IGHMBP2: variants seen among roughly 807,000 people sequenced by gnomAD.
The protein encoded by IGHMBP2 is immunoglobulin mu DNA binding protein 2.
A neutral mutation model predicts 96.0 loss-of-function variants in IGHMBP2; 81 were observed. The ratio of observed to expected loss-of-function variants is 0.84; its 90% CI spans 0.71 to 1.01. The LOEUF (loss-of-function observed/expected upper bound fraction) is 1.01. Among genes scored for constraint, IGHMBP2 ranks in the 50% least tolerant of loss-of-function variants. The pLI is 0.00. For missense variants in IGHMBP2, 1,227 were observed against 1,306.3 expected, an observed-to-expected ratio of 0.94 and a Z score of 0.94; for synonymous variants, 557 against 548.9, an observed-to-expected ratio of 1.01 and a Z score of -0.21.
In IGHMBP2 at chr11:68,906,163, G is replaced by A. The variant is rs1057518943; in HGVS notation, c.181G>A (p.Gly61Arg). The A allele has an allele frequency of 1.1e-5, 18 of 1,614,072 alleles. No homozygotes were observed. Among genetic ancestry groups the A allele is most frequent in the Admixed American group, 6.7e-5 (4 of 60,012 alleles). ...ATCCAGCCAGCGCACTGGGCTGTAC[G>A]GACGGCTGCTGGTCACCTTTGAGCC... Reference protein sequence around the residue: ...QVSSQRTGLYGRLLVTFEPRR... With the variant: ...QVSSQRTGLYRRLLVTFEPRR... Residue 61 changes from glycine to arginine, a missense_variant, in exon 2 of 15, where the codon GGA becomes AGA. Physicochemically the swap from Gly to Arg is moderately radical, Grantham distance 125. This residue lies in a region of IGHMBP2 where 507 missense variants were observed against 496.9 expected (regional missense o/e 1.02). Coordinates refer to ENST00000255078, the MANE Select transcript of IGHMBP2 (RefSeq NM_002180.3).
chr11:68,920,163 C>T (rs1416376735), intron 7 of IGHMBP2, among the ~76,000 whole-genome samples: 1 of 152,170 alleles, frequency 6.6e-6, no homozygotes, highest in Non-Finnish European at 1.5e-5. Flanking sequence ...CAGGATTTGT[C>T]GTCTTGTGAC....
Position 68,939,526 on chromosome 11 carries a change from C to T in IGHMBP2, c.2785-8C>T, listed in dbSNP as rs1456866628. The T allele has an allele frequency of 1.2e-6, 2 of 1,611,590 alleles. No individual in the cohort carries two copies. Among genetic ancestry groups the T allele is most frequent in the Middle Eastern group, 2.2e-4 (1 of 4,558 alleles). On this transcript the variant is annotated splice_polypyrimidine_tract_variant and splice_region_variant and intron_variant, in intron 14 of 14. Transcript: ENST00000255078. Reference sequence around the variant, plus strand: ...TGAGCCCAGCAGTGATTCTTGTGTCCTCCCCAGATCCATGGCTGCGGTGAG... The same window carrying T: ...TGAGCCCAGCAGTGATTCTTGTGTCTTCCCCAGATCCATGGCTGCGGTGAG...
chr11:68,932,875 C>T (rs558996900), intron 8 of IGHMBP2: 56 of 204,184 alleles, frequency 2.7e-4, no homozygotes, highest in Non-Finnish European at 4.0e-4. Context: ...TGGTCTTTTC[C>T]GGCTCCTAGA....
At chr11:68,912,356 C>T (rs980788214) in intron 5 of IGHMBP2, among the ~76,000 whole-genome samples, 1 of 152,032 alleles carries the variant, frequency 6.6e-6, no homozygotes, top group Non-Finnish European at 1.5e-5. Context: ...GGTCTCACTC[C>T]TGACTTCAGT....
chr11:68,934,719 G>A (rs1200723343), intron 11 of IGHMBP2, among the ~76,000 whole-genome samples, 161 bp downstream of exon 11: 2 of 152,326 alleles, frequency 1.3e-5, no homozygotes, highest in East Asian at 3.9e-4. Context: ...TGTCGTCAGG[G>A]GCCCCTCTGC....
chr11:68,936,389 C>G lies in IGHMBP2; in HGVS notation c.1909C>G (p.Arg637Gly). The G allele has an allele frequency of 6.2e-7, 1 of 1,614,148 alleles. No individual in the cohort carries two copies. Among genetic ancestry groups the G allele is most frequent in the Non-Finnish European group, 8.5e-7 (1 of 1,180,028 alleles). Residue 637 changes from arginine to glycine, a missense_variant, in exon 13 of 15, where the codon CGC (arginine) becomes GGC (glycine). By Grantham distance (125) the Arg-to-Gly change is moderately radical. This residue lies in a region of IGHMBP2 where 703 missense variants were observed against 770.3 expected (regional missense o/e 0.91). Transcript: ENST00000255078. ...VEYFTQHGEV[R>G]TAFEYLDDIV... ...GTATTTCACACAGCATGGGGAAGTA[C>G]GCACGGCCTTTGAGTATCTTGACGA...
intron 5 of IGHMBP2, among the ~76,000 whole-genome samples, chr11:68,913,043 CAAAA>C (rs71043469): frequency 5.3e-5 from 2 of 37,478 alleles, no homozygotes; most frequent in African/African-American, 2.4e-4. Context: ...ACTCCATCTC[CAAAA>C]AAAAAAAAAA....
intron 7 of IGHMBP2, 47 bp from the exon 8 acceptor site, chr11:68,929,136 G>C: frequency 6.3e-7 from 1 of 1,581,756 alleles, no homozygotes; most frequent in East Asian, 2.2e-5. Context: ...TGCGCTGTTG[G>C]GAAGCAGCTG....
At chr11:68,911,065 G>T (rs527525305) in intron 4 of IGHMBP2, among the ~76,000 whole-genome samples, 1 of 152,164 alleles carries the variant, frequency 6.6e-6, no homozygotes, top group South Asian at 2.1e-4. Flanking sequence ...CTTCATTCCT[G>T]TTACTCTAGA....
chr11:68,929,673 A>G (rs1859199810), intron 8 of IGHMBP2: 7 of 919,720 alleles, frequency 7.6e-6, no homozygotes, highest in Admixed American at 1.2e-4. Context: ...GTTTGATGGT[A>G]GAGTGCCGTG....
At position 68,929,334 on chromosome 11, in the gene IGHMBP2, G is replaced by A. The variant is rs780125691; in HGVS notation, c.1212G>A (p.Leu404=). The A allele has an allele frequency of 1.2e-6, 2 of 1,613,348 alleles. No individual in the cohort carries two copies. Among genetic ancestry groups the A allele is most frequent in the East Asian group, 2.2e-5 (1 of 44,874 alleles). The change falls in exon 8 of 15, where the codon CTG becomes CTA. Residue 404 remains leucine (L), a synonymous_variant. Transcript: ENST00000255078. ...TCCTGGCGGGCGATCACAAGCAGCT[G>A]CCCCCCACCACAGTCTCTCACAAGT... ...KCILAGDHKQ[L]PPTTVSHKAA...
At chr11:68,936,115 G>A in intron 12 of IGHMBP2, 122 bp from the exon 13 acceptor site, 1 of 1,145,786 alleles carries the variant, frequency 8.7e-7, no homozygotes, top group Non-Finnish European at 1.3e-6. Flanking sequence ...GGGCACCCGT[G>A]TGGATGGTGG....
Position 68,913,043 on chromosome 11 carries a change from CAAAAAAAAAA to C in IGHMBP2, c.711+1456_711+1465del, listed in dbSNP as rs71043469. ...GGCAATAAGAGCAAAACTCCATCTC[CAAAAAAAAAA>C]AAAAAAAAAAAAAAACCAAAAAAAC... On this transcript the variant is annotated intron_variant, in intron 5 of 14. Coordinates refer to ENST00000255078, the MANE Select transcript of IGHMBP2 (RefSeq NM_002180.3). Among the ~76,000 whole-genome samples, 86 of 37,492 alleles carry C rather than the reference CAAAAAAAAAA, an allele frequency of 2.3e-3. 1 individual carries two copies. The highest frequency in any genetic ancestry group is 0.023 in the Middle Eastern group (1 of 44). 24.6% of individuals were successfully genotyped at this position (37,492 alleles called of 152,430 possible).
At chr11:68,906,336 A>G in intron 2 of IGHMBP2, 98 bp downstream of exon 2, 1 of 1,301,548 alleles carries the variant, frequency 7.7e-7, no homozygotes, top group Non-Finnish European at 1.1e-6. Flanking sequence ...CCAGTTGGAG[A>G]ATAAAGCGTT....
At chr11:68,929,143 G>T in intron 7 of IGHMBP2, 40 bp from the exon 8 acceptor site, 1 of 1,599,638 alleles carries the variant, frequency 6.3e-7, no homozygotes, top group Non-Finnish European at 8.5e-7. Flanking sequence ...TTGGGAAGCA[G>T]CTGTGCCCCT....
intron 7 of IGHMBP2, among the ~76,000 whole-genome samples, chr11:68,921,612 C>A (rs1858880586): frequency 6.6e-6 from 1 of 152,216 alleles, no homozygotes; most frequent in Admixed American, 6.5e-5. Flanking sequence ...TATTCTAAGA[C>A]TTACAATGCT....
At position 68,904,071 on chromosome 11, in the gene IGHMBP2, G is replaced by A. The variant is rs1189135304; in HGVS notation, c.86+33G>A. On this transcript the variant is annotated intron_variant, in intron 1 of 14. Transcript: ENST00000255078. ...AGGCCGCCGGCGCCGCTCCCTCGCG[G>A]TCGGTCCCGCCGTGTCCCGGGCAGA... 2.0e-6 allele frequency: 3 copies of A among 1,520,686 alleles called. No individual in the cohort carries two copies. In the South Asian group the frequency reaches 3.6e-5, roughly 18 times the overall value. The allele number at this position is 1,520,686 out of a possible 1,614,324, so 94.2% of individuals were successfully genotyped here. A position where few individuals can be genotyped will look rare whatever the true frequency, so the allele number is the denominator to read the frequency against.
intron 4 of IGHMBP2, 70 bp downstream of exon 4, chr11:68,908,701 G>A: frequency 9.1e-7 from 1 of 1,096,956 alleles, no homozygotes; most frequent in African/African-American, 1.5e-5. Context: ...TGTGACCTTG[G>A]GCCGTTTTAA....
At position 68,914,811 on chromosome 11, in the gene IGHMBP2, T is replaced by A; in HGVS notation, c.712-12T>A. The A allele has an allele frequency of 1.2e-6, 2 of 1,614,092 alleles. No homozygotes were observed. Among genetic ancestry groups the A allele is most frequent in the Non-Finnish European group, 1.7e-6 (2 of 1,179,896 alleles). On this transcript the variant is annotated splice_polypyrimidine_tract_variant and intron_variant, in intron 5 of 14. Coordinates refer to ENST00000255078, the MANE Select transcript of IGHMBP2 (RefSeq NM_002180.3). Reference sequence around the variant, plus strand: ...CAAAGTAAATGACCAGATCCTAACTTGCGGTTCCCAGGTTCTGTGCTGCGC... The same window carrying A: ...CAAAGTAAATGACCAGATCCTAACTAGCGGTTCCCAGGTTCTGTGCTGCGC...
Sources: allele counts gnomAD v4.1 joint callset (sites outside exome capture counted in the v4.1 genomes callset), GRCh38; gene constraint gnomAD v4.1.1; regional missense constraint gnomAD v4.1.1; transcripts MANE v1.5; gene names NCBI Gene and HGNC (gene_info 2026-07-23, HGNC 2026-07-21).